ANK3: variants seen among roughly 807,000 people sequenced by gnomAD.
ANK3 encodes the protein ankyrin-3.
A neutral mutation model predicts 370.9 loss-of-function variants in ANK3; 57 were observed. That is an observed-to-expected ratio of 0.15 (90% confidence interval 0.12 to 0.19). The LOEUF (loss-of-function observed/expected upper bound fraction) is 0.19. ANK3 is among the 10% of genes least tolerant of loss of function. ANK3 has a pLI of 1.00. For synonymous variants in ANK3, 1,929 were observed against 1,946.3 expected (o/e 0.99, Z 0.23); for missense variants, 4,439 against 5,302.1 (o/e 0.84, Z 5.06).
At chr10:60,514,413 C>A (rs2076165855) in intron 2 of ANK3, among the ~76,000 whole-genome samples, 3 of 151,968 alleles carry the variant, frequency 2.0e-5, no homozygotes, top group Non-Finnish European at 4.4e-5. Flanking sequence ...TCAGAATGGC[C>A]CAGGTGAACT....
chr10:60,445,763 C>A (rs935346662), intron 2 of ANK3, among the ~76,000 whole-genome samples: 4 of 152,148 alleles, frequency 2.6e-5, no homozygotes, highest in African/African-American at 9.6e-5. Context: ...CAGGCCAGGT[C>A]ATCAGGGAAA....
At chr10:60,669,530 A>C (rs1391991569) in intron 1 of ANK3, among the ~76,000 whole-genome samples, 1 of 152,040 alleles carries the variant, frequency 6.6e-6, no homozygotes, top group East Asian at 1.9e-4. Flanking sequence ...TGTTTTTATG[A>C]TGCTGCCCTG....
chr10:60,298,890 G>C (rs2043095852), intron 1 of ANK3, among the ~76,000 whole-genome samples: 1 of 152,130 alleles, frequency 6.6e-6, no homozygotes, highest in South Asian at 2.1e-4. Flanking sequence ...GTCTAACTAT[G>C]TAATTTATGA....
At chr10:60,712,525 CAT>C (rs2079723551) in intron 1 of ANK3, among the ~76,000 whole-genome samples, 1 of 152,102 alleles carries the variant, frequency 6.6e-6, no homozygotes, top group Non-Finnish European at 1.5e-5. Context: ...AAAATGGAAT[CAT>C]ATAAAGTGCT....
At chr10:60,292,628 T>C (rs745396759) in intron 1 of ANK3, among the ~76,000 whole-genome samples, 33 of 151,820 alleles carry the variant, frequency 2.2e-4, no homozygotes, top group Non-Finnish European at 4.4e-4. Context: ...TTCCCAAAAA[T>C]ACCTAAAGTA....
At chr10:60,423,809 T>TATATAATTTAGAATATATA in intron 2 of ANK3, among the ~76,000 whole-genome samples, 1 of 152,060 alleles carries the variant, frequency 6.6e-6, no homozygotes, top group Non-Finnish European at 1.5e-5. Flanking sequence ...TATACACTGA[T>TATATAATTTAGAATATATA]CTAAATTTGG....
intron 1 of ANK3, among the ~76,000 whole-genome samples, chr10:60,671,903 A>G (rs183859910): frequency 4.6e-5 from 7 of 152,314 alleles, no homozygotes; most frequent in Admixed American, 2.6e-4. Context: ...CAGGCTTACA[A>G]ACAAGCTTCT....
chr10:60,305,414 G>A (rs1190025560), intron 1 of ANK3, among the ~76,000 whole-genome samples: 3 of 151,664 alleles, frequency 2.0e-5, no homozygotes, highest in East Asian at 1.9e-4. Context: ...CCTATCCACC[G>A]AGACCTCCCC....
intron 24 of ANK3, among the ~76,000 whole-genome samples, chr10:60,137,862 T>A (rs1274220074): frequency 3.3e-5 from 5 of 152,148 alleles, no homozygotes; most frequent in African/African-American, 4.8e-5. Context: ...CTACAGGATC[T>A]CAAGAACCTT....
chr10:60,268,650 A>G (rs567683791), intron 5 of ANK3, among the ~76,000 whole-genome samples: 4 of 151,868 alleles, frequency 2.6e-5, no homozygotes, highest in Admixed American at 2.6e-4. Context: ...GATATATCTA[A>G]TATTTCTATA....
chr10:60,538,585 A>G (rs1362364001), intron 2 of ANK3, among the ~76,000 whole-genome samples: 2 of 151,922 alleles, frequency 1.3e-5, no homozygotes, highest in African/African-American at 4.8e-5. Context: ...AAACATCTAT[A>G]TACTCTATTC....
At position 60,075,495 on chromosome 10, in the gene ANK3, A is replaced by G. The variant is rs1442285099; in HGVS notation, c.5386T>C (p.Ser1796Pro). The G allele has an allele frequency of 3.7e-6, 6 of 1,613,226 alleles. No individual in the cohort carries two copies. Among genetic ancestry groups the G allele is most frequent in the Non-Finnish European group, 5.1e-6 (6 of 1,180,002 alleles). The change falls in exon 37 of 44, where the codon TCC (serine) becomes CCC (proline). Residue 1796 changes from serine to proline, a missense_variant. Physicochemically the swap from Ser to Pro is moderately conservative, Grantham distance 74 (BLOSUM62 -1). Coordinates refer to ENST00000280772, the MANE Select transcript of ANK3 (RefSeq NM_020987.5). ...PSAFQSLRTP[S>P]ASALYTSLGS... ...AGGGATGTATAGAGTGCACTTGCGGAAGGAGTTCTTAGAGACTGAAAAGCT... is the reference window on the plus strand; with the variant it reads ...AGGGATGTATAGAGTGCACTTGCGGGAGGAGTTCTTAGAGACTGAAAAGCT...
At chr10:60,301,109 C>A (rs912861971) in intron 1 of ANK3, among the ~76,000 whole-genome samples, 2 of 146,920 alleles carry the variant, frequency 1.4e-5, no homozygotes, top group African/African-American at 5.1e-5. Flanking sequence ...CCAAACAACT[C>A]ATTGAATACT....
intron 9 of ANK3, among the ~76,000 whole-genome samples, chr10:60,210,680 G>T (rs927282392): frequency 2.6e-5 from 4 of 152,156 alleles, no homozygotes; most frequent in Non-Finnish European, 1.5e-5. Flanking sequence ...ATCTAGAAGG[G>T]CACACATGTG....
At chr10:60,507,481 C>T (rs1339067626) in intron 2 of ANK3, 1 of 151,864 alleles carries the variant, frequency 6.6e-6, no homozygotes, top group Non-Finnish European at 1.5e-5. Context: ...CCAATGAATC[C>T]AGGTACTATC....
intron 2 of ANK3, among the ~76,000 whole-genome samples, chr10:60,547,925 A>G (rs2077005079): frequency 6.7e-6 from 1 of 150,256 alleles, no homozygotes; most frequent in Non-Finnish European, 1.5e-5. Context: ...AATTTCTAAG[A>G]AAAAAAACTA....
At chr10:60,634,472 C>A (rs1441679429) in intron 1 of ANK3, among the ~76,000 whole-genome samples, 4 of 152,046 alleles carry the variant, frequency 2.6e-5, no homozygotes, top group Non-Finnish European at 5.9e-5. Flanking sequence ...GACCAATCGG[C>A]ACTCTGTAAA....
At chr10:60,461,190 C>CT (rs1022146943) in intron 2 of ANK3, among the ~76,000 whole-genome samples, 2 of 152,098 alleles carry the variant, frequency 1.3e-5, no homozygotes, top group Admixed American at 6.6e-5. Context: ...GTTTCTGGTC[C>CT]TTTTTTCTCA....
intron 1 of ANK3, among the ~76,000 whole-genome samples, chr10:60,319,185 A>C (rs1228523452): frequency 7.2e-5 from 11 of 152,250 alleles, no homozygotes; most frequent in African/African-American, 2.7e-4. Context: ...TATAACAGAC[A>C]CTTGCAAAGG....
Sources: allele counts gnomAD v4.1 joint callset (sites outside exome capture counted in the v4.1 genomes callset), GRCh38; gene constraint gnomAD v4.1.1; transcripts MANE v1.5; gene names NCBI Gene and HGNC (gene_info 2026-07-23, HGNC 2026-07-21).